Variants in TTC7B observed in about 807,000 individuals in gnomAD.
TTC7B encodes tetratricopeptide repeat protein 7B.
A neutral mutation model predicts 106.8 loss-of-function variants in TTC7B; 28 were observed. The observed-to-expected ratio is 0.26, with a 90% CI of 0.19 to 0.36. The LOEUF is 0.36. TTC7B is among the 10% of genes least tolerant of loss of function. The probability of loss-of-function intolerance (pLI) is 1.00; values close to 1 mark genes in which losing one functional copy is unlikely to be tolerated. For missense variants in TTC7B, 862 were observed against 1,076.4 expected, an observed-to-expected ratio of 0.80 and a Z score of 2.79; for synonymous variants, 405 against 430.6, an observed-to-expected ratio of 0.94 and a Z score of 0.74.
At chr14:90,628,910 G>A (rs920272185) in intron 15 of TTC7B, among the ~76,000 whole-genome samples, 6 of 152,400 alleles carry the variant, frequency 3.9e-5, no homozygotes, top group Admixed American at 1.3e-4. Context: ...CTAGAGCTCA[G>A]AAACAGACAG....
chr14:90,747,775 A>G (rs766368179), intron 3 of TTC7B, among the ~76,000 whole-genome samples: 22 of 152,136 alleles, frequency 1.4e-4, no homozygotes, highest in Non-Finnish European at 1.2e-4. Context: ...TTGAAGTGCT[A>G]TCAGTTTTTG....
At chr14:90,754,570 T>C (rs1469684360) in intron 3 of TTC7B, among the ~76,000 whole-genome samples, 2 of 152,224 alleles carry the variant, frequency 1.3e-5, no homozygotes, top group Non-Finnish European at 2.9e-5. Flanking sequence ...TTGTATATAT[T>C]AAATAACAGC....
intron 18 of TTC7B, among the ~76,000 whole-genome samples, chr14:90,588,194 G>C (rs1462414760): frequency 6.6e-6 from 1 of 152,212 alleles, no homozygotes; most frequent in African/African-American, 2.4e-5. Context: ...TGCAACCTCT[G>C]GTGCCTGGGA....
chr14:90,728,029 A>G (rs1237836134), intron 5 of TTC7B, among the ~76,000 whole-genome samples: 2 of 152,210 alleles, frequency 1.3e-5, no homozygotes, highest in Non-Finnish European at 2.9e-5. Context: ...CAGCCCTGAC[A>G]GCACTTGGCA....
At chr14:90,680,139 T>C (rs551168924) in intron 8 of TTC7B, among the ~76,000 whole-genome samples, 13 of 152,358 alleles carry the variant, frequency 8.5e-5, no homozygotes, top group African/African-American at 3.1e-4. Flanking sequence ...TTAAGGTTCC[T>C]CCAGTGGTCA....
chr14:90,645,682 A>G (rs1885415244), intron 14 of TTC7B, among the ~76,000 whole-genome samples: 1 of 152,210 alleles, frequency 6.6e-6, no homozygotes, highest in Non-Finnish European at 1.5e-5. Context: ...CATGATGTTG[A>G]TTTGCAGGGA....
rs139908779 is a variant in TTC7B, at chr14:90,750,739, T to G, written c.446-5817A>C. ...GCAGAAGGCCCTTTAAGGTATTAAA[T>G]TAATTAAGTATTGTTCCTTTCCCTC... On this transcript the variant is annotated intron_variant, in intron 3 of 19. Transcript: ENST00000328459. 1.3e-4 allele frequency among the ~76,000 whole-genome samples: 20 copies of G among 152,344 alleles called. No individual in the cohort carries two copies. In the East Asian group the frequency reaches 3.5e-3, roughly 26 times the overall value.
chr14:90,545,591 C>A (rs760287092), intron 19 of TTC7B, among the ~76,000 whole-genome samples: 9 of 152,204 alleles, frequency 5.9e-5, no homozygotes, highest in Admixed American at 5.9e-4. Context: ...GATGTGGAGA[C>A]CAGGAGGACC....
At chr14:90,554,431 G>C (rs1890216104) in intron 19 of TTC7B, among the ~76,000 whole-genome samples, 2 of 152,232 alleles carry the variant, frequency 1.3e-5, no homozygotes, top group Non-Finnish European at 2.9e-5. Flanking sequence ...TCGGGTTCCG[G>C]GGGTGGGGCT....
At chr14:90,786,136 C>T (rs1891378853) in intron 2 of TTC7B, 38 bp downstream of exon 2, 1 of 1,511,040 alleles carries the variant, frequency 6.6e-7, no homozygotes, top group Non-Finnish European at 8.8e-7. Context: ...CCACACTGTC[C>T]AAAGGAAGTG....
chr14:90,676,959 C>T (rs1288258580), intron 8 of TTC7B, among the ~76,000 whole-genome samples: 1 of 152,192 alleles, frequency 6.6e-6, no homozygotes, highest in East Asian at 1.9e-4. Context: ...TCCCTGGCCT[C>T]GGGTTCATAG....
At chr14:90,589,799 G>C (rs1157647148) in intron 18 of TTC7B, among the ~76,000 whole-genome samples, 1 of 152,122 alleles carries the variant, frequency 6.6e-6, no homozygotes, top group African/African-American at 2.4e-5. Context: ...AAGCAAAATC[G>C]TTGCTTTGAA....
chr14:90,598,595 G>A (rs1892307777), intron 17 of TTC7B, among the ~76,000 whole-genome samples: 1 of 152,206 alleles, frequency 6.6e-6, no homozygotes, highest in Non-Finnish European at 1.5e-5. Context: ...TCCAAGCTCT[G>A]AACCCTTCCT....
At chr14:90,671,607 AAAG>A (rs1886636026) in intron 9 of TTC7B, among the ~76,000 whole-genome samples, 1 of 152,312 alleles carries the variant, frequency 6.6e-6, no homozygotes, top group East Asian at 1.9e-4. Context: ...AAGAGGAAAA[AAAG>A]AAGTGTTCCT....
chr14:90,795,837 G>A (rs1425996542), intron 1 of TTC7B, among the ~76,000 whole-genome samples: 1 of 152,198 alleles, frequency 6.6e-6, no homozygotes, highest in Non-Finnish European at 1.5e-5. Context: ...TATGAATGCT[G>A]TGTGAGTCAT....
intron 18 of TTC7B, among the ~76,000 whole-genome samples, chr14:90,591,452 C>T (rs970856639): frequency 6.6e-6 from 1 of 152,220 alleles, no homozygotes; most frequent in African/African-American, 2.4e-5. Context: ...CGGCAGGCCA[C>T]GCAAAGTGGG....
Position 90,725,869 on chromosome 14 carries a change from A to G in TTC7B, c.698+4206T>C, listed in dbSNP as rs1237515104. 3.3e-5 allele frequency among the ~76,000 whole-genome samples: 5 copies of G among 152,272 alleles called. No homozygotes were observed. The East Asian group carries it at 9.6e-4, about 29-fold the overall frequency. On this transcript the variant is annotated intron_variant, in intron 5 of 19. Coordinates refer to ENST00000328459, the MANE Select transcript of TTC7B (RefSeq NM_001010854.2). ...ACACCTGACACAGCTAACAAGAAGC[A>G]AGGTTACTTTAAATGTGCTTTGCTA...
intron 7 of TTC7B, among the ~76,000 whole-genome samples, chr14:90,684,228 A>G (rs756103751): frequency 3.1e-4 from 47 of 152,192 alleles, no homozygotes; most frequent in Non-Finnish European, 1.6e-4. Flanking sequence ...CAGTATCCAC[A>G]ATAGCTGTTT....
chr14:90,760,640 G>A (rs187752996), intron 3 of TTC7B, among the ~76,000 whole-genome samples: 4 of 152,248 alleles, frequency 2.6e-5, no homozygotes, highest in East Asian at 1.9e-4. Context: ...CTGTGTCATC[G>A]GCATCCCTCC....
Sources: gnomAD v4.1 joint callset for allele counts (sites outside exome capture counted in the v4.1 genomes callset) on GRCh38, gnomAD v4.1.1 for gene constraint, MANE v1.5 for transcripts, NCBI Gene and HGNC (gene_info 2026-07-23, HGNC 2026-07-21) for gene names.